Variants in PRELID2 observed in about 807,000 individuals in gnomAD.
The protein encoded by PRELID2 is PRELI domain-containing protein 2.
A neutral mutation model predicts 28.4 loss-of-function variants in PRELID2; 25 were observed. The observed-to-expected ratio is 0.88, with a 90% CI of 0.64 to 1.23. The LOEUF (loss-of-function observed/expected upper bound fraction) is 1.23, where lower values mean the gene tolerates loss of function less well. PRELID2 is among the 50% of genes most tolerant of loss of function. The pLI, the probability that PRELID2 is intolerant of heterozygous loss-of-function variation, is 0.00. For missense variants in PRELID2, 201 were observed against 214.4 expected (o/e 0.94, Z 0.39); for synonymous variants, 76 against 71.6 (o/e 1.06, Z -0.31).
intron 1 of PRELID2, among the ~76,000 whole-genome samples, chr5:145,550,001 G>A (rs1272126157): frequency 6.6e-6 from 1 of 152,152 alleles, no homozygotes. Context: ...TGAGGAGGGT[G>A]GGAAGGCAGG....
At chr5:145,383,145 G>GA in the PRELID2 span, among the ~76,000 whole-genome samples, 11,750 of 150,342 alleles carry the variant, frequency 0.078, 595 homozygotes, top group South Asian at 0.18. Flanking sequence ...AAACATGTGG[G>GA]AAAAAAAAGC....
the PRELID2 span, among the ~76,000 whole-genome samples, chr5:145,320,379 TCCTGCCTCAG>T: frequency 2.0e-5 from 3 of 151,846 alleles, no homozygotes; most frequent in Non-Finnish European, 2.9e-5. Flanking sequence ...CACGCCATTC[TCCTGCCTCAG>T]CCTCCCAAGT....
At chr5:145,579,454 T>A (rs982556941) in intron 1 of PRELID2, among the ~76,000 whole-genome samples, 1 of 152,084 alleles carries the variant, frequency 6.6e-6, no homozygotes, top group African/African-American at 2.4e-5. Context: ...AGAGCAATAA[T>A]TGTGTAATTG....
At chr5:145,601,946 G>T (rs1019222638) in intron 1 of PRELID2, among the ~76,000 whole-genome samples, 4 of 152,276 alleles carry the variant, frequency 2.6e-5, no homozygotes, top group Admixed American at 2.0e-4. Context: ...TGCAGAGTAC[G>T]TGACTAAAAT....
chr5:145,381,776 A>G, the PRELID2 span: 2 of 152,228 alleles, frequency 1.3e-5, no homozygotes, highest in Non-Finnish European at 2.9e-5. Context: ...CAAGTTCAAG[A>G]TAATCAACCT....
chr5:145,649,328 C>G (rs7720071), intron 1 of PRELID2, among the ~76,000 whole-genome samples: 33,191 of 152,004 alleles, frequency 0.22, 6,834 homozygotes, highest in African/African-American at 0.54. Context: ...TACAGATATA[C>G]AGAGATGACA....
At chr5:145,319,333 G>T in the PRELID2 span, among the ~76,000 whole-genome samples, 2 of 152,002 alleles carry the variant, frequency 1.3e-5, no homozygotes, top group Non-Finnish European at 2.9e-5. Context: ...TCCTATTCCC[G>T]AATCTTGTCT....
the PRELID2 span, among the ~76,000 whole-genome samples, chr5:145,368,991 G>T: frequency 4.0e-4 from 60 of 151,762 alleles, no homozygotes; most frequent in Non-Finnish European, 7.1e-4. Flanking sequence ...ATAGGCCCCA[G>T]TGTGTGTTGT....
the PRELID2 span, among the ~76,000 whole-genome samples, chr5:145,405,707 T>C: frequency 6.9e-6 from 1 of 145,878 alleles, no homozygotes; most frequent in African/African-American, 2.5e-5. Context: ...TAGTTGTTTT[T>C]TTTTTTTTTT....
intron 1 of PRELID2, among the ~76,000 whole-genome samples, chr5:145,636,402 TG>T (rs1253107781): frequency 1.3e-5 from 2 of 152,222 alleles, no homozygotes; most frequent in African/African-American, 2.4e-5. Context: ...TGCTCAGAAT[TG>T]CTCTCTTTCT....
intron 1 of PRELID2, among the ~76,000 whole-genome samples, chr5:145,616,653 G>C (rs191460266): frequency 0.01 from 1,575 of 152,278 alleles, 9 homozygotes; most frequent in Middle Eastern, 0.027. Context: ...GGGTCACAGA[G>C]ATCATGTGCT....
At chr5:145,513,487 G>A (rs1440482918) in intron 1 of PRELID2, among the ~76,000 whole-genome samples, 2 of 152,082 alleles carry the variant, frequency 1.3e-5, no homozygotes, top group African/African-American at 2.4e-5. Context: ...ATGGGACTAT[G>A]TGAAAAGACC....
chr5:145,736,321 T>C (rs1374942237), intron 1 of PRELID2, among the ~76,000 whole-genome samples: 1 of 152,190 alleles, frequency 6.6e-6, no homozygotes, highest in Non-Finnish European at 1.5e-5. Flanking sequence ...CAGCCTGTCT[T>C]ATTTATTCTT....
rs138740560 is a variant in PRELID2 at position 145,476,816 on chromosome 5, C to T, written n.71-3501G>A. 3.0e-3 allele frequency among the ~76,000 whole-genome samples: 460 copies of T among 152,032 alleles called. 1 individual carries two copies. The highest frequency in any genetic ancestry group is 9.5e-3 in the African/African-American group (392 of 41,448). On this transcript the variant is annotated intron_variant and non_coding_transcript_variant, in intron 1 of 2. Transcript: ENST00000510259. The stretch of plus-strand genomic sequence containing the variant: ...GGCAGGAGTATTCTGTCCCCAAAAG[C>T]GCACAGAGGAATGAGAAAAACAATC...
intron 1 of PRELID2, among the ~76,000 whole-genome samples, chr5:145,522,449 C>G (rs1580967106): frequency 1.3e-5 from 2 of 151,574 alleles, no homozygotes; most frequent in African/African-American, 4.8e-5. Context: ...GACAGAGAGA[C>G]AGAGAGAGAG....
At chr5:145,301,764 C>T in the PRELID2 span, among the ~76,000 whole-genome samples, 1 of 152,218 alleles carries the variant, frequency 6.6e-6, no homozygotes, top group South Asian at 2.1e-4. Flanking sequence ...TCATTGGCAT[C>T]TTTGTCCAAA....
At chr5:145,461,421 G>C in the PRELID2 span, among the ~76,000 whole-genome samples, 1 of 152,024 alleles carries the variant, frequency 6.6e-6, no homozygotes, top group Non-Finnish European at 1.5e-5. Context: ...TCCTGCCTCA[G>C]CCTTCCAAGT....
chr5:145,273,404 C>T, the PRELID2 span, among the ~76,000 whole-genome samples: 9 of 151,970 alleles, frequency 5.9e-5, no homozygotes, highest in Admixed American at 2.0e-4. Flanking sequence ...AGGGAAACTC[C>T]GATGTAACCA....
chr5:145,254,220 C>A, the PRELID2 span, among the ~76,000 whole-genome samples: 1 of 152,140 alleles, frequency 6.6e-6, no homozygotes, highest in Admixed American at 6.5e-5. Context: ...TCTACTATGA[C>A]ATGCCTATTA....
Sources: allele counts gnomAD v4.1 joint callset (sites outside exome capture counted in the v4.1 genomes callset), GRCh38; gene constraint gnomAD v4.1.1; transcripts MANE v1.5; gene names NCBI Gene and HGNC (gene_info 2026-07-23, HGNC 2026-07-21).